The following GNGT1 variants were observed in gnomAD, a reference collection of about 807,000 sequenced individuals.
GNGT1 encodes the protein guanine nucleotide-binding protein G(T) subunit gamma-T1.
In GNGT1, 4 loss-of-function variants were observed where a neutral mutation model predicts 7.4. The ratio of observed to expected loss-of-function variants is 0.54; its 90% CI spans 0.27 to 1.24. GNGT1 has a LOEUF of 1.24. GNGT1 is among the 50% of genes most tolerant of loss of function. GNGT1 has a pLI of 0.12. For synonymous variants in GNGT1, 37 were observed against 30.2 expected (o/e 1.23, Z -0.74); for missense variants, 95 against 82.4 (o/e 1.15, Z -0.59).
chr7:93,907,838 G>T (rs1218888935), intron 2 of GNGT1, among the ~76,000 whole-genome samples: 6 of 152,052 alleles, frequency 3.9e-5, no homozygotes, highest in Admixed American at 2.0e-4. Flanking sequence ...CTCCCCTGTT[G>T]CCCTTTCCAT....
rs1181580755 is a variant in GNGT1, at chr7:93,906,635, A to G, written c.-21A>G. 1.4e-5 allele frequency: 10 copies of G among 701,582 alleles called. No individual in the cohort carries two copies. Among genetic ancestry groups the G allele is most frequent in the Non-Finnish European group, 2.5e-5 (10 of 396,284 alleles). The allele number at this position is 701,582 out of a possible 1,614,324, so 43.5% of individuals were successfully genotyped here. ...GGATATTTAAAATAAAACAAAGAAC[A>G]GTTTACTTTGTAAGTTAAGAGCTGA... On this transcript the variant is annotated 5_prime_UTR_variant, in exon 1 of 3. Coordinates refer to ENST00000248572, the MANE Select transcript of GNGT1 (RefSeq NM_021955.5).
intron 2 of GNGT1, 45 bp downstream of exon 2, chr7:93,906,887 C>T: frequency 9.4e-7 from 1 of 1,060,284 alleles, no homozygotes; most frequent in South Asian, 1.4e-5. Context: ...GCTAGAGATA[C>T]TGTGGGAGTA....
At chr7:93,909,387 A>T in intron 2 of GNGT1, 1 of 649,306 alleles carries the variant, frequency 1.5e-6, no homozygotes, top group Non-Finnish European at 2.8e-6. Flanking sequence ...GTTAAACTAC[A>T]TATATTTATA....
At position 93,906,656 on chromosome 7, in the gene GNGT1, G is replaced by T; in HGVS notation, c.-12+12G>T. The T allele has an allele frequency of 2.7e-6, 2 of 748,324 alleles. No homozygotes were observed. Among genetic ancestry groups the T allele is most frequent in the Non-Finnish European group, 4.7e-6 (2 of 428,190 alleles). 46.4% of individuals were successfully genotyped at this position (748,324 alleles called of 1,614,324 possible). A position where few individuals can be genotyped will look rare whatever the true frequency, so the allele number is the denominator to read the frequency against. ...GAACAGTTTACTTTGTAAGTTAAGA[G>T]CTGAGGGAATTGTTGGCTAAGACTG... On this transcript the variant is annotated intron_variant, in intron 1 of 2. Transcript: ENST00000248572.
At chr7:93,909,483 AT>A in intron 2 of GNGT1, 2 of 702,322 alleles carry the variant, frequency 2.8e-6, no homozygotes, top group Non-Finnish European at 5.2e-6. Context: ...ATATCCTCAG[AT>A]CCCAGCCAGG....
intron 2 of GNGT1, chr7:93,909,492 A>G (rs1301369486): frequency 1.4e-6 from 1 of 702,404 alleles, no homozygotes; most frequent in Non-Finnish European, 2.6e-6. Context: ...GATCCCAGCC[A>G]GGCACCTTCA....
At chr7:93,906,917 C>A in intron 2 of GNGT1, 75 bp downstream of exon 2, 2 of 764,510 alleles carry the variant, frequency 2.6e-6, no homozygotes, top group Non-Finnish European at 4.3e-6. Context: ...AAAACATTGG[C>A]TGGAAAGGCT....
chr7:93,906,764 T>C lies in GNGT1; in HGVS notation c.18T>C (p.Ile6=). The C allele has an allele frequency of 6.2e-7, 1 of 1,603,336 alleles. No individual in the cohort carries two copies. Among genetic ancestry groups the C allele is most frequent in the Non-Finnish European group, 8.5e-7 (1 of 1,173,570 alleles). The change falls in exon 2 of 3, where the codon ATT becomes ATC. Residue 6 remains isoleucine (I), a synonymous_variant. Coordinates refer to ENST00000248572, the MANE Select transcript of GNGT1 (RefSeq NM_021955.5). ...GCAAAAAGATGCCAGTAATCAATAT[T>C]GAGGACCTGACAGAAAAGGACAAAT... MPVIN[I]EDLTEKDKLK...
At chr7:93,907,569 G>C (rs1307945660) in intron 2 of GNGT1, among the ~76,000 whole-genome samples, 2 of 152,128 alleles carry the variant, frequency 1.3e-5, no homozygotes, top group African/African-American at 4.8e-5. Context: ...AATGGCAAAG[G>C]AATAAACCAC....
At chr7:93,906,965 ATCAAAGATTAAGAAAATTGAT>A in intron 2 of GNGT1, 123 bp downstream of exon 2, 1 of 535,516 alleles carries the variant, frequency 1.9e-6, no homozygotes, top group African/African-American at 2.1e-5. Flanking sequence ...CTAAAAATTT[ATCAAAGATTAAGAAAATTGAT>A]AATCAATCAT....
chr7:93,909,585 G>A, intron 2 of GNGT1: 1 of 668,546 alleles, frequency 1.5e-6, no homozygotes, highest in East Asian at 2.7e-5. Context: ...CAAAAGTAGT[G>A]ACTTTTAGAG....
At chr7:93,909,846 GA>G (rs34908558) in intron 2 of GNGT1, 91,518 of 150,212 alleles carry the variant, frequency 0.61, 26,198 homozygotes, top group East Asian at 0.69. Flanking sequence ...GATTTCATTT[GA>G]AAAAAAAAAA....
chr7:93,910,070 G>A (rs1339013394), intron 2 of GNGT1: 1 of 152,212 alleles, frequency 6.6e-6, no homozygotes, highest in Non-Finnish European at 1.5e-5. Context: ...AATGTTAAGT[G>A]GTACCTTAAC....
chr7:93,906,863 G>C, intron 2 of GNGT1, 21 bp downstream of exon 2: 1 of 1,430,790 alleles, frequency 7.0e-7, no homozygotes. Flanking sequence ...GCTTTCTTTA[G>C]TATTTTATTT....
chr7:93,907,599 G>T, intron 2 of GNGT1, among the ~76,000 whole-genome samples: 1 of 152,182 alleles, frequency 6.6e-6, no homozygotes, highest in East Asian at 1.9e-4. Context: ...AGTGATGAAA[G>T]CTTGGAGAAT....
chr7:93,906,863 G>A (rs762282560), intron 2 of GNGT1, 21 bp downstream of exon 2: 2 of 1,430,790 alleles, frequency 1.4e-6, no homozygotes, highest in Non-Finnish European at 1.9e-6. Flanking sequence ...GCTTTCTTTA[G>A]TATTTTATTT....
At chr7:93,910,026 A>G (rs1794437446) in intron 2 of GNGT1, 1 of 152,790 alleles carries the variant, frequency 6.5e-6, no homozygotes, top group South Asian at 2.1e-4. Context: ...ATGTATATTT[A>G]TATATGTATA....
intron 2 of GNGT1, among the ~76,000 whole-genome samples, chr7:93,909,016 AG>A (rs528086886): frequency 7.9e-5 from 12 of 152,350 alleles, no homozygotes; most frequent in Middle Eastern, 3.4e-3. Context: ...GGTAATAGCA[AG>A]TGCTTTATGT....
intron 2 of GNGT1, 53 bp downstream of exon 2, chr7:93,906,895 G>A: frequency 1.0e-6 from 1 of 993,942 alleles, no homozygotes; most frequent in Non-Finnish European, 1.5e-6. Flanking sequence ...TACTGTGGGA[G>A]TACCAGGTTA....
Sources: allele counts gnomAD v4.1 joint callset (sites outside exome capture counted in the v4.1 genomes callset), GRCh38; gene constraint gnomAD v4.1.1; transcripts MANE v1.5; gene names NCBI Gene and HGNC (gene_info 2026-07-23, HGNC 2026-07-21).